Variants in DPP10 observed in about 807,000 individuals in gnomAD.
DPP10 encodes inactive dipeptidyl peptidase 10.
Under a neutral mutation model 120.9 loss-of-function variants are expected in DPP10, and 33 were observed. The observed-to-expected ratio is 0.27, with a 90% CI of 0.21 to 0.37. The LOEUF (loss-of-function observed/expected upper bound fraction) is 0.37, where lower values mean the gene tolerates loss of function less well. Ranked by LOEUF, DPP10 falls within the 10% of genes least tolerant of loss-of-function variation. DPP10 has a pLI of 1.00. For synonymous variants in DPP10, 337 were observed against 326.1 expected, an observed-to-expected ratio of 1.03 and a Z score of -0.36; for missense variants, 816 against 942.8, an observed-to-expected ratio of 0.87 and a Z score of 1.76.
rs570817569 is a variant in DPP10, at chr2:115,684,737, G to A, written c.442-4950G>A. On this transcript the variant is annotated intron_variant, in intron 5 of 25. Transcript: ENST00000410059. ...TTTTAAGCTGAACTCTCCTTGACAC[G>A]AATCCCCATAGGTGTCTTAGGTAAT... Among the ~76,000 whole-genome samples, 23 of 151,834 alleles carry A rather than the reference G, an allele frequency of 1.5e-4. No homozygotes were observed. The South Asian group carries it at 3.9e-3, about 26-fold the overall frequency.
intron 9 of DPP10, among the ~76,000 whole-genome samples, chr2:115,741,473 C>T (rs908104269): frequency 2.0e-4 from 30 of 150,964 alleles, no homozygotes; most frequent in Middle Eastern, 3.4e-3. Flanking sequence ...AGCATACCAG[C>T]ACTATTTTTT....
At chr2:115,317,375 T>G (rs1054729175) in intron 2 of DPP10, among the ~76,000 whole-genome samples, 9 of 152,170 alleles carry the variant, frequency 5.9e-5, no homozygotes, top group African/African-American at 2.2e-4. Context: ...GCTTCATCCC[T>G]TTTTATGGCT....
intron 1 of DPP10, among the ~76,000 whole-genome samples, chr2:114,660,035 T>C (rs1210788268): frequency 6.6e-6 from 1 of 152,126 alleles, no homozygotes; most frequent in Non-Finnish European, 1.5e-5. Context: ...AGAGAATAAA[T>C]GTATGTGGTT....
chr2:115,748,197 A>G (rs551585905), intron 10 of DPP10, among the ~76,000 whole-genome samples: 45 of 149,032 alleles, frequency 3.0e-4, no homozygotes, highest in Non-Finnish European at 6.1e-4. Flanking sequence ...ATATTTAAAT[A>G]ATTCATTTTA....
chr2:115,328,684 G>A (rs1310134042), intron 2 of DPP10, among the ~76,000 whole-genome samples: 5 of 152,062 alleles, frequency 3.3e-5, no homozygotes, highest in Admixed American at 2.0e-4. Context: ...AATCAAACAT[G>A]CCAAAGCAGC....
chr2:114,625,881 C>T (rs957561116), intron 1 of DPP10, among the ~76,000 whole-genome samples: 10 of 151,750 alleles, frequency 6.6e-5, no homozygotes, highest in Admixed American at 6.6e-4. Context: ...CCTGGGTTTC[C>T]TTTTAGTGGA....
chr2:115,262,655 A>T (rs1036525841), intron 1 of DPP10, among the ~76,000 whole-genome samples: 3 of 152,214 alleles, frequency 2.0e-5, no homozygotes, highest in African/African-American at 7.2e-5. Flanking sequence ...GTAAAATTAA[A>T]TAAGGTAACC....
intron 10 of DPP10, chr2:115,750,194 G>T (rs1678524358): frequency 2.0e-6 from 2 of 984,352 alleles, no homozygotes; most frequent in South Asian, 9.4e-5. Flanking sequence ...ACATTTCCAG[G>T]TAAGGGTGCT....
chr2:115,723,320 TG>T (rs2092690209), intron 7 of DPP10, among the ~76,000 whole-genome samples: 1 of 152,308 alleles, frequency 6.6e-6, no homozygotes, highest in African/African-American at 2.4e-5. Context: ...AATTCTTTGT[TG>T]TTTTTGCTTT....
chr2:115,024,939 G>A (rs1703353291), intron 1 of DPP10, among the ~76,000 whole-genome samples: 1 of 150,304 alleles, frequency 6.7e-6, no homozygotes, highest in Admixed American at 6.7e-5. Flanking sequence ...TCTTTAAAAT[G>A]TATATTAATT....
intron 1 of DPP10, among the ~76,000 whole-genome samples, chr2:114,783,744 G>T (rs898484491): frequency 6.6e-6 from 1 of 151,944 alleles, no homozygotes; most frequent in Non-Finnish European, 1.5e-5. Context: ...TGAGGTGGGA[G>T]GATTGCTTGA....
At chr2:115,706,747 G>A (rs1482429789) in intron 7 of DPP10, among the ~76,000 whole-genome samples, 1 of 151,964 alleles carries the variant, frequency 6.6e-6, no homozygotes, top group Admixed American at 6.6e-5. Flanking sequence ...ACCACAAGAT[G>A]TGAACCATCT....
chr2:115,811,028 G>A (rs1246207570), intron 19 of DPP10, among the ~76,000 whole-genome samples: 1 of 152,240 alleles, frequency 6.6e-6, no homozygotes, highest in African/African-American at 2.4e-5. Flanking sequence ...TACTGAATAA[G>A]CACTCTTTGC....
intron 7 of DPP10, among the ~76,000 whole-genome samples, chr2:115,714,761 G>A (rs2092433406): frequency 6.6e-6 from 1 of 152,168 alleles, no homozygotes; most frequent in African/African-American, 2.4e-5. Context: ...TGGGCGCCGT[G>A]GCTCAAGCCT....
intron 1 of DPP10, among the ~76,000 whole-genome samples, chr2:115,015,242 G>A (rs1702550859): frequency 6.6e-6 from 1 of 152,084 alleles, no homozygotes. Flanking sequence ...CAGAACCAAT[G>A]ACAAAAACCA....
rs566560257 is a variant in DPP10, at chr2:114,894,290, A to G, written c.61-414949A>G. ...TGTCAGACTACAAGGTGCATTCGTAACTCTGGTAACAATTTATTTCTGGGC... is the reference window on the plus strand; with the variant it reads ...TGTCAGACTACAAGGTGCATTCGTAGCTCTGGTAACAATTTATTTCTGGGC... On this transcript the variant is annotated intron_variant, in intron 1 of 25. Transcript: ENST00000410059. Among the ~76,000 whole-genome samples, 5 of 152,280 alleles carry G rather than the reference A, an allele frequency of 3.3e-5. 1 individual carries two copies. The highest frequency in any genetic ancestry group is 1.2e-4 in the African/African-American group (5 of 41,568).
chr2:115,497,241 T>G (rs554577411), intron 3 of DPP10, among the ~76,000 whole-genome samples: 75 of 152,208 alleles, frequency 4.9e-4, no homozygotes, highest in Admixed American at 2.6e-3. Context: ...AAGGGTGGTT[T>G]CAACCCCTGA....
intron 1 of DPP10, among the ~76,000 whole-genome samples, chr2:115,126,438 A>G (rs1471964516): frequency 1.3e-5 from 2 of 152,168 alleles, no homozygotes; most frequent in Admixed American, 1.3e-4. Context: ...ATTCTTGAAC[A>G]GTCTTGACTG....
chr2:114,625,492 A>G lies in DPP10; in HGVS notation c.60+182654A>G, dbSNP rs555744189. Among the ~76,000 whole-genome samples the G allele has an allele frequency of 2.0e-5, 3 of 152,028 alleles. No homozygotes were observed. In the East Asian group the frequency reaches 5.8e-4, roughly 29 times the overall value. ...AAAAAAGCAATATTTTAATTCTATC[A>G]TTTCTTCTTCTTTTAAGTTGAAGTA... On this transcript the variant is annotated intron_variant, in intron 1 of 25. Transcript: ENST00000410059.
Sources: gnomAD v4.1 joint callset for allele counts (sites outside exome capture counted in the v4.1 genomes callset) on GRCh38, gnomAD v4.1.1 for gene constraint, MANE v1.5 for transcripts, NCBI Gene and HGNC (gene_info 2026-07-23, HGNC 2026-07-21) for gene names.